Variants in WDR25 observed in about 807,000 individuals in gnomAD.
WDR25 encodes the protein WD repeat-containing protein 25.
A neutral mutation model predicts 47.7 loss-of-function variants in WDR25; 35 were observed. That is an observed-to-expected ratio of 0.73 (90% confidence interval 0.56 to 0.97). WDR25 has a LOEUF of 0.97. Among genes scored for constraint, WDR25 ranks in the 50% least tolerant of loss-of-function variants. The probability of loss-of-function intolerance (pLI) is 0.00; values close to 1 mark genes in which losing one functional copy is unlikely to be tolerated. For synonymous variants in WDR25, 248 were observed against 278.9 expected, an observed-to-expected ratio of 0.89 and a Z score of 1.10; for missense variants, 634 against 704.7, an observed-to-expected ratio of 0.90 and a Z score of 1.14.
chr14:100,451,909 C>T (rs1018745508), intron 2 of WDR25, among the ~76,000 whole-genome samples: 11 of 152,156 alleles, frequency 7.2e-5, no homozygotes, highest in Admixed American at 7.2e-4. Flanking sequence ...GGTAATGTTA[C>T]AGAAGGGAGG....
intron 2 of WDR25, among the ~76,000 whole-genome samples, chr14:100,419,651 A>G (rs1319861173): frequency 6.6e-6 from 1 of 152,214 alleles, no homozygotes; most frequent in African/African-American, 2.4e-5. Flanking sequence ...CATTAATATA[A>G]TAATTATAAT....
chr14:100,408,527 C>G (rs537308085), intron 2 of WDR25, among the ~76,000 whole-genome samples: 10 of 151,888 alleles, frequency 6.6e-5, no homozygotes, highest in Admixed American at 2.0e-4. Context: ...CTCTGTGCCC[C>G]CCTCCAATCC....
At chr14:100,517,207 C>T (rs1901534718) in intron 4 of WDR25, among the ~76,000 whole-genome samples, 1 of 150,828 alleles carries the variant, frequency 6.6e-6, no homozygotes, top group Non-Finnish European at 1.5e-5. Flanking sequence ...GTCCCGCCTC[C>T]AGGGTTCACG....
At chr14:100,379,679 C>T (rs984525334) in intron 1 of WDR25, among the ~76,000 whole-genome samples, 1 of 151,814 alleles carries the variant, frequency 6.6e-6, no homozygotes, top group African/African-American at 2.4e-5. Context: ...TGAGCCATCA[C>T]GCCCAGCCTA....
rs139730965 is a variant in WDR25, at chr14:100,468,099, G to A, written c.901G>A (p.Ala301Thr). 2 of 1,613,414 alleles carry A rather than the reference G, an allele frequency of 1.2e-6. No homozygotes were observed. The highest frequency in any genetic ancestry group is 2.2e-5 in the South Asian group (2 of 91,068). Residue 301 changes from alanine to threonine, a missense_variant, in exon 3 of 7, where the codon GCT (alanine) becomes ACT (threonine). Transcript: ENST00000402312. The surrounding 1 kb of genome is among the most constrained non-coding windows in gnomAD (Gnocchi z 4.5). ...HTEAVRAARW[A>T]PCGRRILSGG... Reference sequence around the variant, plus strand: ...AGAGGCAGTGCGGGCCGCCCGGTGGGCTCCCTGTGGCCGGCGCATCCTCAG... The same window carrying A: ...AGAGGCAGTGCGGGCCGCCCGGTGGACTCCCTGTGGCCGGCGCATCCTCAG...
At chr14:100,480,906 C>T (rs1418145993) in intron 3 of WDR25, 4 of 325,888 alleles carry the variant, frequency 1.2e-5, no homozygotes, top group South Asian at 2.7e-5. Context: ...CAAAGGCTCT[C>T]GTGGCTCTGC....
chr14:100,508,290 G>A (rs941816071), intron 4 of WDR25, among the ~76,000 whole-genome samples: 1 of 152,106 alleles, frequency 6.6e-6, no homozygotes, highest in African/African-American at 2.4e-5. Flanking sequence ...AAAAAGAGCT[G>A]TCTATGACAA....
chr14:100,465,080 T>C (rs1899581543), intron 2 of WDR25, among the ~76,000 whole-genome samples: 1 of 151,946 alleles, frequency 6.6e-6, no homozygotes, highest in Non-Finnish European at 1.5e-5. Context: ...TTTCCCTCCC[T>C]TCCTAGGAGT....
chr14:100,524,591 T>G (rs1040880721), intron 4 of WDR25, among the ~76,000 whole-genome samples: 10 of 152,160 alleles, frequency 6.6e-5, no homozygotes, highest in African/African-American at 2.2e-4. Flanking sequence ...GGGCCCACTC[T>G]GAAATCTCCC....
intron 2 of WDR25, among the ~76,000 whole-genome samples, chr14:100,394,154 G>A (rs1317927936): frequency 6.6e-6 from 1 of 152,192 alleles, no homozygotes; most frequent in African/African-American, 2.4e-5. Flanking sequence ...AAGGGTGTGA[G>A]GCTTGCAATC....
intron 4 of WDR25, among the ~76,000 whole-genome samples, chr14:100,503,067 G>T: frequency 6.6e-6 from 1 of 151,930 alleles, no homozygotes. Flanking sequence ...GCGTGTGTGT[G>T]TGTGTGTGTG....
At chr14:100,390,809 AG>A (rs1266925901) in intron 2 of WDR25, among the ~76,000 whole-genome samples, 1 of 152,186 alleles carries the variant, frequency 6.6e-6, no homozygotes, top group African/African-American at 2.4e-5. Context: ...TATGCGTAAA[AG>A]TGGCTGCGTC....
At chr14:100,460,752 TG>T (rs1899385119) in intron 2 of WDR25, among the ~76,000 whole-genome samples, 1 of 152,062 alleles carries the variant, frequency 6.6e-6, no homozygotes, top group Non-Finnish European at 1.5e-5. Flanking sequence ...TTCTTAACTG[TG>T]TAAGACTGAC....
chr14:100,391,657 A>G (rs866581555), intron 2 of WDR25, among the ~76,000 whole-genome samples: 1 of 152,182 alleles, frequency 6.6e-6, no homozygotes, highest in African/African-American at 2.4e-5. Context: ...AGCCTTAAAA[A>G]AAAAAAAAGA....
chr14:100,525,856 G>T lies in WDR25; in HGVS notation c.1102-14G>T, dbSNP rs781114354. The stretch of plus-strand genomic sequence containing the variant: ...TGCCAGGCCTGCCAGCATGACCGGT[G>T]TCCGCTCTTGCAGGTGATGAGAAGC... On this transcript the variant is annotated splice_polypyrimidine_tract_variant and intron_variant, in intron 4 of 6. Coordinates refer to ENST00000402312, the MANE Select transcript of WDR25 (RefSeq NM_001161476.3). This position sits in a 1 kb window ranked among gnomAD's most constrained non-coding sequence, Gnocchi z 4.6. 2 of 1,612,280 alleles carry T rather than the reference G, an allele frequency of 1.2e-6. No individual in the cohort carries two copies. Among genetic ancestry groups the T allele is most frequent in the South Asian group, 1.1e-5 (1 of 91,044 alleles).
chr14:100,512,287 G>T (rs1901336417), intron 4 of WDR25, among the ~76,000 whole-genome samples: 2 of 152,118 alleles, frequency 1.3e-5, no homozygotes, highest in Non-Finnish European at 2.9e-5. Context: ...TAAATATAGG[G>T]CTATTCTGAT....
At chr14:100,507,275 G>C (rs1473911422) in intron 4 of WDR25, among the ~76,000 whole-genome samples, 2 of 152,134 alleles carry the variant, frequency 1.3e-5, no homozygotes, top group Non-Finnish European at 2.9e-5. Context: ...GTCTGTGTTT[G>C]TACAGTACTA....
chr14:100,456,480 C>G (rs531872800), intron 2 of WDR25, among the ~76,000 whole-genome samples: 1 of 152,192 alleles, frequency 6.6e-6, no homozygotes, highest in South Asian at 2.1e-4. Flanking sequence ...ACTGTTCAAC[C>G]AACTATTATA....
intron 2 of WDR25, among the ~76,000 whole-genome samples, chr14:100,450,024 G>T (rs1411292617): frequency 6.6e-6 from 1 of 152,138 alleles, no homozygotes; most frequent in Non-Finnish European, 1.5e-5. Context: ...TCCCCTCTGC[G>T]CACCCTCTTC....
Sources: allele counts gnomAD v4.1 joint callset (sites outside exome capture counted in the v4.1 genomes callset), GRCh38; gene constraint gnomAD v4.1.1; non-coding constraint Gnocchi (gnomAD v3.1); transcripts MANE v1.5; gene names NCBI Gene and HGNC (gene_info 2026-07-23, HGNC 2026-07-21).